Variants in PLCG2 observed in about 807,000 individuals in gnomAD.
The protein encoded by PLCG2 is 1-phosphatidylinositol 4,5-bisphosphate phosphodiesterase gamma-2.
Under a neutral mutation model 175.6 loss-of-function variants are expected in PLCG2, and 69 were observed. The ratio of observed to expected loss-of-function variants is 0.39; its 90% CI spans 0.32 to 0.48. The LOEUF (loss-of-function observed/expected upper bound fraction) is 0.48. PLCG2 is among the 20% of genes least tolerant of loss of function. The pLI, the probability that PLCG2 is intolerant of heterozygous loss-of-function variation, is 0.91. For synonymous variants in PLCG2, 827 were observed against 624.0 expected (o/e 1.33, Z -4.85); for missense variants, 1,798 against 1,650.9 (o/e 1.09, Z -1.54).
At chr16:81,895,646 C>T in intron 12 of PLCG2, 161 bp from the exon 13 acceptor site, 1 of 686,438 alleles carries the variant, frequency 1.5e-6, no homozygotes, top group Non-Finnish European at 2.5e-6. Context: ...GCACAGGGAA[C>T]CCTGCGGATA....
Position 81,802,093 on chromosome 16 carries a change from C to CTTTTTTTTTTTTTTTTTTTTTTT in PLCG2, c.193+15927_193+15949dup, listed in dbSNP as rs1157731599. ...GTTAGCTCCTTCAGGTGAGTACAGT[C>CTTTTTTTTTTTTTTTTTTTTTTT]TTTTTTTTTTTTTTTTTTTTTTTTT... On this transcript the variant is annotated intron_variant, in intron 2 of 32. Coordinates refer to ENST00000564138, the MANE Select transcript of PLCG2 (RefSeq NM_002661.5). Among the ~76,000 whole-genome samples the CTTTTTTTTTTTTTTTTTTTTTTT allele has an allele frequency of 2.5e-4, 10 of 40,016 alleles. 5 individuals are homozygous for CTTTTTTTTTTTTTTTTTTTTTTT. Among genetic ancestry groups the CTTTTTTTTTTTTTTTTTTTTTTT allele is most frequent in the East Asian group, 2.6e-3 (2 of 760 alleles). The allele number at this position is 40,016 out of a possible 152,430, so 26.3% of individuals were successfully genotyped here. A position where few individuals can be genotyped will look rare whatever the true frequency, so the allele number is the denominator to read the frequency against.
chr16:81,891,844 T>A (rs561206010), intron 11 of PLCG2, among the ~76,000 whole-genome samples: 27 of 152,356 alleles, frequency 1.8e-4, no homozygotes, highest in Non-Finnish European at 2.5e-4. Flanking sequence ...TAACTTAGTT[T>A]ATGTAACTTA....
chr16:81,916,619 C>T (rs529930951), intron 19 of PLCG2, among the ~76,000 whole-genome samples: 5 of 151,608 alleles, frequency 3.3e-5, no homozygotes, highest in African/African-American at 1.2e-4. Context: ...AGTCTACCCT[C>T]AGCAATTTTC....
Position 81,874,948 on chromosome 16 carries a change from G to GTTTTTTTGTTTTTTTGTTCTTTTTTTT in PLCG2, c.648+4020_648+4021insGTTTTTTTGTTCTTTTTTTTTTTTTTT, listed in dbSNP as rs1907695346. Among the ~76,000 whole-genome samples, 3 of 40,770 alleles carry GTTTTTTTGTTTTTTTGTTCTTTTTTTT rather than the reference G, an allele frequency of 7.4e-5. 1 individual carries two copies. The highest frequency in any genetic ancestry group is 1.0e-4 in the Non-Finnish European group (2 of 19,622). 26.7% of individuals were successfully genotyped at this position (40,770 alleles called of 152,430 possible). ...CTATTTGCTAGGCACTATCCTATGTGTTTTTTTTTTTTTTTTTTTTTTTTT... is the reference window on the plus strand; with the variant it reads ...CTATTTGCTAGGCACTATCCTATGTGTTTTTTTGTTTTTTTGTTCTTTTTTTTTTTTTTTTTTTTTTTTTTTTTTTTT... On this transcript the variant is annotated intron_variant, in intron 7 of 32. Transcript: ENST00000564138.
intron 17 of PLCG2, among the ~76,000 whole-genome samples, chr16:81,909,591 AT>A (rs1909528953): frequency 6.6e-6 from 1 of 152,092 alleles, no homozygotes; most frequent in African/African-American, 2.4e-5. Context: ...TAACTTTTAA[AT>A]TTTTTGTAGA....
intron 5 of PLCG2, among the ~76,000 whole-genome samples, chr16:81,868,995 G>C (rs7195281): frequency 0.55 from 83,223 of 152,208 alleles, 23,502 homozygotes; most frequent in Middle Eastern, 0.62. Context: ...CTGTGAGTCT[G>C]CTATGTGACC....
intron 5 of PLCG2, among the ~76,000 whole-genome samples, chr16:81,865,145 G>A (rs558534733): frequency 1.3e-5 from 2 of 152,280 alleles, no homozygotes; most frequent in Admixed American, 1.3e-4. Flanking sequence ...GAGCTGTCCT[G>A]AATTGAGACT....
chr16:81,766,233 C>G (rs1910146714), intron 2 of PLCG2, among the ~76,000 whole-genome samples: 1 of 152,160 alleles, frequency 6.6e-6, no homozygotes, highest in African/African-American at 2.4e-5. Flanking sequence ...GGGCCATAAA[C>G]TGTTATTCAC....
intron 5 of PLCG2, among the ~76,000 whole-genome samples, chr16:81,866,654 C>A (rs111330124): frequency 8.2e-6 from 1 of 122,456 alleles, no homozygotes; most frequent in Non-Finnish European, 1.9e-5. Context: ...GGATGAGCTC[C>A]ACTGGGGCAC....
intron 2 of PLCG2, among the ~76,000 whole-genome samples, chr16:81,795,234 A>G (rs1237723847): frequency 6.6e-6 from 1 of 152,180 alleles, no homozygotes; most frequent in Non-Finnish European, 1.5e-5. Flanking sequence ...GACGCTAGGA[A>G]GGAAAGGAAC....
At chr16:81,768,579 T>TCC (rs1555504750) in intron 2 of PLCG2, among the ~76,000 whole-genome samples, 40 of 142,788 alleles carry the variant, frequency 2.8e-4, no homozygotes, top group South Asian at 4.4e-4. Flanking sequence ...TTTTTTTTTT[T>TCC]CCCGAGATGG....
intron 10 of PLCG2, among the ~76,000 whole-genome samples, chr16:81,890,424 A>G (rs1158334467): frequency 6.6e-6 from 1 of 152,262 alleles, no homozygotes; most frequent in African/African-American, 2.4e-5. Context: ...TGGTTAGATC[A>G]GATCTGTTTC....
intron 13 of PLCG2, 39 bp downstream of exon 13, chr16:81,895,966 G>A (rs748589664): frequency 2.5e-6 from 4 of 1,613,140 alleles, no homozygotes; most frequent in Non-Finnish European, 2.5e-6. Context: ...ACTTAAAGGG[G>A]AAGGCAGCTA....
At chr16:81,884,961 C>T (rs1185559946) in intron 9 of PLCG2, among the ~76,000 whole-genome samples, 1 of 152,096 alleles carries the variant, frequency 6.6e-6, no homozygotes, top group South Asian at 2.1e-4. Context: ...GGTAACAGCT[C>T]ACTGCAGCCT....
intron 14 of PLCG2, among the ~76,000 whole-genome samples, chr16:81,901,537 C>T (rs922017264): frequency 4.6e-5 from 7 of 152,152 alleles, no homozygotes; most frequent in African/African-American, 7.2e-5. Flanking sequence ...GTTTCACAGA[C>T]CCCCGAAGAA....
intron 31 of PLCG2, among the ~76,000 whole-genome samples, chr16:81,949,727 T>C (rs935106142): frequency 6.6e-6 from 1 of 152,318 alleles, no homozygotes; most frequent in Admixed American, 6.5e-5. Context: ...ATAAAAATTT[T>C]GTCATGGTAA....
chr16:81,873,451 A>C (rs1465150613), intron 7 of PLCG2, among the ~76,000 whole-genome samples: 1 of 152,224 alleles, frequency 6.6e-6, no homozygotes, highest in Non-Finnish European at 1.5e-5. Context: ...TAATGATGAC[A>C]GTGTGCGTAT....
At position 81,807,397 on chromosome 16, in the gene PLCG2, G is replaced by C. The variant is rs143441994; in HGVS notation, c.193+21215G>C. On this transcript the variant is annotated intron_variant, in intron 2 of 32. Coordinates refer to ENST00000564138, the MANE Select transcript of PLCG2 (RefSeq NM_002661.5). Reference sequence around the variant, plus strand: ...TCTGCCTTCTGGATCTGAGATCCAAGTTGCAAAGGAAGAGCTGGTTTCAGG... The same window carrying C: ...TCTGCCTTCTGGATCTGAGATCCAACTTGCAAAGGAAGAGCTGGTTTCAGG... 7.8e-3 allele frequency among the ~76,000 whole-genome samples: 1,195 copies of C among 152,286 alleles called. 17 individuals are homozygous for C. The highest frequency in any genetic ancestry group is 0.025 in the African/African-American group (1,055 of 41,554).
In PLCG2 at chr16:81,803,595, TCTC is replaced by T. The variant is rs746451129; in HGVS notation, c.193+17416_193+17418del. Among the ~76,000 whole-genome samples, 80 of 123,356 alleles carry T rather than the reference TCTC, an allele frequency of 6.5e-4. 1 individual carries two copies. The highest frequency in any genetic ancestry group is 3.5e-3 in the South Asian group (13 of 3,728). The allele number at this position is 123,356 out of a possible 152,430, so 80.9% of individuals were successfully genotyped here. On this transcript the variant is annotated intron_variant, in intron 2 of 32. Transcript: ENST00000564138. ...TCCTTTCCTTTCCTTTCTTTTCTTT[TCTC>T]CTTTTCTTTTCTTTTCTTTTCCTTT...
Sources: gnomAD v4.1 joint callset for allele counts (sites outside exome capture counted in the v4.1 genomes callset) on GRCh38, gnomAD v4.1.1 for gene constraint, MANE v1.5 for transcripts, NCBI Gene and HGNC (gene_info 2026-07-23, HGNC 2026-07-21) for gene names.